Variants in RGS7 observed in about 807,000 individuals in gnomAD.
The protein encoded by RGS7 is regulator of G-protein signaling 7.
RGS7 carries 27 observed loss-of-function variants against 81.1 expected under a neutral mutation model. That is an observed-to-expected ratio of 0.33 (90% CI 0.25 to 0.46). The LOEUF (loss-of-function observed/expected upper bound fraction) is 0.46. Ranked by LOEUF, RGS7 falls within the 20% of genes least tolerant of loss-of-function variation. The pLI, the probability that RGS7 is intolerant of heterozygous loss-of-function variation, is 1.00. For synonymous variants in RGS7, 208 were observed against 207.7 expected (o/e 1.00, Z -0.01); for missense variants, 396 against 607.4 (o/e 0.65, Z 3.66).
intron 2 of RGS7, among the ~76,000 whole-genome samples, chr1:241,227,828 T>G (rs531638751): frequency 1.3e-5 from 2 of 152,306 alleles, no homozygotes; most frequent in African/African-American, 2.4e-5. Flanking sequence ...TGGGGACTCC[T>G]TATCATGATT....
chr1:241,031,181 A>G (rs1488884252), intron 3 of RGS7, among the ~76,000 whole-genome samples: 1 of 152,078 alleles, frequency 6.6e-6, no homozygotes. Flanking sequence ...TTGTCTTCAC[A>G]CTGTTTTGCT....
Position 241,284,564 on chromosome 1 carries a change from C to A in RGS7, c.78+71135G>T, listed in dbSNP as rs542323458. Among the ~76,000 whole-genome samples the A allele has an allele frequency of 5.0e-4, 76 of 152,318 alleles. 1 individual carries two copies. Among genetic ancestry groups the A allele is most frequent in the African/African-American group, 1.8e-3 (73 of 41,572 alleles). On this transcript the variant is annotated intron_variant, in intron 2 of 18. Transcript: ENST00000440928. The stretch of plus-strand genomic sequence containing the variant: ...CAAGGAGAGAGAATGGGGCACCTTG[C>A]TACTGTCAGGTGGAGATTCAAGTCC...
intron 3 of RGS7, among the ~76,000 whole-genome samples, chr1:241,094,965 CT>C (rs1558709998): frequency 1.3e-5 from 2 of 152,176 alleles, no homozygotes; most frequent in Non-Finnish European, 2.9e-5. Flanking sequence ...AGACTCTCAG[CT>C]TGGGAGTAAA....
At chr1:241,322,131 A>C (rs2081248727) in intron 2 of RGS7, among the ~76,000 whole-genome samples, 2 of 152,160 alleles carry the variant, frequency 1.3e-5, no homozygotes. Context: ...ACCTGAGAGC[A>C]ATGTCTCTGT....
chr1:240,841,941 T>C (rs1658087523), intron 9 of RGS7, among the ~76,000 whole-genome samples: 1 of 152,148 alleles, frequency 6.6e-6, no homozygotes, highest in African/African-American at 2.4e-5. Context: ...TTAAGATTCT[T>C]GGAAAAGTAG....
chr1:240,973,106 T>A (rs1230937517), intron 4 of RGS7, among the ~76,000 whole-genome samples: 1 of 152,048 alleles, frequency 6.6e-6, no homozygotes, highest in East Asian at 1.9e-4. Flanking sequence ...GTGCTTTTAT[T>A]TCAAGGTTTT....
intron 2 of RGS7, among the ~76,000 whole-genome samples, chr1:241,215,584 C>T (rs2074498208): frequency 6.6e-6 from 1 of 152,172 alleles, no homozygotes. Flanking sequence ...TTTCCAGCTG[C>T]TCTGGCTGTT....
At chr1:241,068,340 G>C (rs1386638066) in intron 3 of RGS7, among the ~76,000 whole-genome samples, 1 of 149,528 alleles carries the variant, frequency 6.7e-6, no homozygotes, top group Non-Finnish European at 1.5e-5. Flanking sequence ...TCAAAGCTAA[G>C]GAAATCTGGA....
At chr1:240,926,920 C>A (rs1674540077) in intron 6 of RGS7, among the ~76,000 whole-genome samples, 2 of 152,044 alleles carry the variant, frequency 1.3e-5, no homozygotes, top group South Asian at 4.1e-4. Flanking sequence ...TTCTATAAAA[C>A]CAAGATAATT....
chr1:240,981,729 T>C (rs1684947932), intron 4 of RGS7, among the ~76,000 whole-genome samples: 1 of 152,182 alleles, frequency 6.6e-6, no homozygotes, highest in African/African-American at 2.4e-5. Context: ...ACAATGAGTA[T>C]TTTAAAAGCT....
At chr1:240,995,416 T>G (rs1687119144) in intron 3 of RGS7, among the ~76,000 whole-genome samples, 1 of 152,198 alleles carries the variant, frequency 6.6e-6, no homozygotes, top group Non-Finnish European at 1.5e-5. Context: ...ATTGAATTTT[T>G]TTAAAGTCTG....
intron 2 of RGS7, among the ~76,000 whole-genome samples, chr1:241,317,758 A>G (rs2080969156): frequency 6.6e-6 from 1 of 152,250 alleles, no homozygotes; most frequent in African/African-American, 2.4e-5. Flanking sequence ...TTGGATTATC[A>G]AGGTTTCAGA....
chr1:240,920,030 G>C (rs1673239668), intron 6 of RGS7: 1 of 1,196,112 alleles, frequency 8.4e-7, no homozygotes. Context: ...ATTTTGAACA[G>C]TTTGGAAAAA....
At chr1:240,923,566 C>A (rs1673933063) in intron 6 of RGS7, among the ~76,000 whole-genome samples, 1 of 151,988 alleles carries the variant, frequency 6.6e-6, no homozygotes, top group Admixed American at 6.6e-5. Flanking sequence ...GCTTCAAAAA[C>A]AGACATGCAG....
intron 4 of RGS7, among the ~76,000 whole-genome samples, chr1:240,943,055 C>T (rs1327034204): frequency 1.3e-5 from 2 of 152,054 alleles, no homozygotes; most frequent in Non-Finnish European, 2.9e-5. Flanking sequence ...GCTTTCTCAA[C>T]AGCAATCATA....
At chr1:241,305,208 C>G (rs181414053) in intron 2 of RGS7, among the ~76,000 whole-genome samples, 204 of 152,332 alleles carry the variant, frequency 1.3e-3, no homozygotes, top group African/African-American at 4.8e-3. Context: ...TCCAGTGCTT[C>G]TAACGCCACT....
intron 2 of RGS7, among the ~76,000 whole-genome samples, chr1:241,309,991 T>C (rs2080410708): frequency 6.6e-6 from 1 of 152,184 alleles, no homozygotes; most frequent in Admixed American, 6.5e-5. Context: ...GTGAGTGGCA[T>C]TGGAACACTA....
At chr1:240,987,537 T>C (rs1043939028) in intron 3 of RGS7, among the ~76,000 whole-genome samples, 1 of 151,714 alleles carries the variant, frequency 6.6e-6, no homozygotes, top group East Asian at 1.9e-4. Flanking sequence ...TTCTTTTTTT[T>C]TTTTTTTCCT....
intron 3 of RGS7, among the ~76,000 whole-genome samples, chr1:241,076,178 C>G (rs2502415): frequency 0.027 from 4,080 of 152,118 alleles, 182 homozygotes; most frequent in African/African-American, 0.093. Context: ...GGCTTATTCT[C>G]TTTGATTCAG....
Sources: gnomAD v4.1 joint callset for allele counts (sites outside exome capture counted in the v4.1 genomes callset) on GRCh38, gnomAD v4.1.1 for gene constraint, MANE v1.5 for transcripts, NCBI Gene and HGNC (gene_info 2026-07-23, HGNC 2026-07-21) for gene names.